KCNQ5: variants seen among roughly 807,000 people sequenced by gnomAD.
The protein encoded by KCNQ5 is potassium voltage-gated channel subfamily Q member 5, also known as potassium voltage-gated channel subfamily KQT member 5.
Under a neutral mutation model 98.2 loss-of-function variants are expected in KCNQ5, and 30 were observed. That is an observed-to-expected ratio of 0.31 (90% CI 0.23 to 0.41). KCNQ5 has a LOEUF of 0.41. Among genes scored for constraint, KCNQ5 ranks in the 10% least tolerant of loss-of-function variants. The pLI, the probability that KCNQ5 is intolerant of heterozygous loss-of-function variation, is 1.00. For synonymous variants in KCNQ5, 458 were observed against 449.4 expected (o/e 1.02, Z -0.24); for missense variants, 835 against 1,182.5 (o/e 0.71, Z 4.31).
chr6:72,777,045 G>A (rs1419120321), intron 1 of KCNQ5, among the ~76,000 whole-genome samples: 1 of 152,212 alleles, frequency 6.6e-6, no homozygotes, highest in African/African-American at 2.4e-5. Flanking sequence ...AATGTGTTGT[G>A]AAGAGCTCCA....
At chr6:72,669,080 C>T (rs367913473) in intron 1 of KCNQ5, among the ~76,000 whole-genome samples, 5 of 152,006 alleles carry the variant, frequency 3.3e-5, no homozygotes, top group Non-Finnish European at 7.4e-5. Context: ...TCCATCCTAT[C>T]GCCCCAAAAG....
At chr6:73,020,034 A>G (rs1582201656) in intron 2 of KCNQ5, among the ~76,000 whole-genome samples, 1 of 151,994 alleles carries the variant, frequency 6.6e-6, no homozygotes, top group African/African-American at 2.4e-5. Flanking sequence ...ACAATACAGA[A>G]CACTTCTTAC....
intron 1 of KCNQ5, chr6:72,987,012 G>A (rs535509913): frequency 1.3e-5 from 10 of 767,150 alleles, no homozygotes; most frequent in Non-Finnish European, 2.0e-5. Flanking sequence ...AATCCACCAG[G>A]AGGGAGATGC....
chr6:72,699,454 T>G (rs372548846), intron 1 of KCNQ5, among the ~76,000 whole-genome samples: 6 of 152,222 alleles, frequency 3.9e-5, no homozygotes, highest in East Asian at 1.9e-4. Context: ...GTAAGACCTC[T>G]CTTGGCTCCT....
intron 1 of KCNQ5, among the ~76,000 whole-genome samples, chr6:72,887,318 G>T (rs972405027): frequency 3.4e-4 from 51 of 152,188 alleles, no homozygotes; most frequent in African/African-American, 1.2e-3. Flanking sequence ...CTTGTGCAGG[G>T]AAACTCACCA....
At chr6:72,876,467 T>G (rs1366469928) in intron 1 of KCNQ5, among the ~76,000 whole-genome samples, 2 of 152,184 alleles carry the variant, frequency 1.3e-5, no homozygotes, top group Non-Finnish European at 2.9e-5. Context: ...ACACTGCTTG[T>G]AAACAATAAG....
chr6:73,162,493 C>T (rs6939559), intron 10 of KCNQ5, among the ~76,000 whole-genome samples: 15,497 of 152,080 alleles, frequency 0.1, 2,087 homozygotes, highest in African/African-American at 0.3. Context: ...TGACTAGGTG[C>T]TCACATGAGT....
intron 11 of KCNQ5, among the ~76,000 whole-genome samples, chr6:73,183,458 C>A (rs1392120896): frequency 6.6e-6 from 1 of 152,184 alleles, no homozygotes; most frequent in Admixed American, 6.5e-5. Flanking sequence ...TTGAAGAGAG[C>A]AAGATCTATG....
At chr6:72,876,680 A>C (rs1011935114) in intron 1 of KCNQ5, among the ~76,000 whole-genome samples, 1 of 152,246 alleles carries the variant, frequency 6.6e-6, no homozygotes, top group Non-Finnish European at 1.5e-5. Flanking sequence ...GATTTCATAC[A>C]AAAGTATTAT....
chr6:73,094,910 C>A (rs533867247), intron 5 of KCNQ5, among the ~76,000 whole-genome samples: 1 of 152,210 alleles, frequency 6.6e-6, no homozygotes, highest in Non-Finnish European at 1.5e-5. Context: ...AGGTGATGAT[C>A]TTTTTGCAAT....
chr6:73,003,891 T>C lies in KCNQ5; in HGVS notation c.399-17T>C. The C allele has an allele frequency of 6.4e-7, 1 of 1,554,808 alleles. No homozygotes were observed. Reference sequence around the variant, plus strand: ...AGGTAAGGTTCTTATCAGATTTCTCTTTTTGTTGTTTTACAGTTTTCTCCT... The same window carrying C: ...AGGTAAGGTTCTTATCAGATTTCTCCTTTTGTTGTTTTACAGTTTTCTCCT... On this transcript the variant is annotated splice_polypyrimidine_tract_variant and intron_variant, in intron 1 of 13. Coordinates refer to ENST00000370398, the MANE Select transcript of KCNQ5 (RefSeq NM_019842.4).
At chr6:72,851,728 G>A (rs1777265806) in intron 1 of KCNQ5, among the ~76,000 whole-genome samples, 1 of 151,942 alleles carries the variant, frequency 6.6e-6, no homozygotes, top group African/African-American at 2.4e-5. Context: ...AAACACTTTA[G>A]GGGCAAATTA....
At chr6:72,888,088 A>G (rs1285216255) in intron 1 of KCNQ5, among the ~76,000 whole-genome samples, 4 of 152,182 alleles carry the variant, frequency 2.6e-5, no homozygotes, top group Non-Finnish European at 5.9e-5. Context: ...AAAGTTTAAG[A>G]CCATGAAAAA....
At position 72,927,871 on chromosome 6, in the gene KCNQ5, A is replaced by G. The variant is rs77653806; in HGVS notation, c.399-76037A>G. Among the ~76,000 whole-genome samples the G allele has an allele frequency of 4.4e-3, 671 of 152,168 alleles. 5 individuals carry two copies. Among genetic ancestry groups the G allele is most frequent in the Middle Eastern group, 0.01 (3 of 294 alleles). On this transcript the variant is annotated intron_variant, in intron 1 of 13. Transcript: ENST00000370398. Reference sequence around the variant, plus strand: ...AAAAGATAGATAATTCTGGACTCACAGATCTCTAGACACTGTTCCTGGTCA... The same window carrying G: ...AAAAGATAGATAATTCTGGACTCACGGATCTCTAGACACTGTTCCTGGTCA...
intron 5 of KCNQ5, among the ~76,000 whole-genome samples, chr6:73,091,623 A>G (rs922480278): frequency 2.6e-5 from 4 of 152,154 alleles, no homozygotes; most frequent in Admixed American, 2.0e-4. Context: ...CCATTGGTCT[A>G]TGTGCATATT....
chr6:72,952,917 A>G (rs937122731), intron 1 of KCNQ5, among the ~76,000 whole-genome samples: 1 of 152,210 alleles, frequency 6.6e-6, no homozygotes. Context: ...TGCTACATCT[A>G]GATTACAAAT....
chr6:72,925,329 G>A (rs906604292), intron 1 of KCNQ5, among the ~76,000 whole-genome samples: 4 of 152,154 alleles, frequency 2.6e-5, no homozygotes, highest in Non-Finnish European at 4.4e-5. Flanking sequence ...CAGTAAAGAT[G>A]TTTATAAAAA....
chr6:72,634,714 C>T lies in KCNQ5; in HGVS notation c.398+12127C>T, dbSNP rs533946548. On this transcript the variant is annotated intron_variant, in intron 1 of 13. Transcript: ENST00000370398. ...CCGAGTAGCTGGGATTATAGGCTCC[C>T]GCCACCACGCCTGGCTAATATTTTT... is the stretch of plus-strand genomic sequence containing the variant. 4.2e-4 allele frequency among the ~76,000 whole-genome samples: 64 copies of T among 151,958 alleles called. 1 individual carries two copies. The highest frequency in any genetic ancestry group is 1.4e-3 in the African/African-American group (59 of 41,436).
intron 1 of KCNQ5, among the ~76,000 whole-genome samples, chr6:72,713,937 A>C (rs905501026): frequency 6.6e-6 from 1 of 152,144 alleles, no homozygotes; most frequent in African/African-American, 2.4e-5. Context: ...AGAGTTATGC[A>C]CTTCCATCCG....
Sources: allele counts gnomAD v4.1 joint callset (sites outside exome capture counted in the v4.1 genomes callset), GRCh38; gene constraint gnomAD v4.1.1; transcripts MANE v1.5; gene names NCBI Gene and HGNC (gene_info 2026-07-23, HGNC 2026-07-21).